POTEH: variants seen among roughly 807,000 people sequenced by gnomAD.
The protein encoded by POTEH is POTE ankyrin domain family member H, also known as ANKRD26-like family C member 3.
In POTEH, 6 loss-of-function variants were observed where a neutral mutation model predicts 41.7. The ratio of observed to expected loss-of-function variants is 0.14; its 90% CI spans 0.08 to 0.28. POTEH has a LOEUF of 0.28. Among genes scored for constraint, POTEH ranks in the 10% least tolerant of loss-of-function variants. POTEH has a pLI of 1.00. For missense variants in POTEH, 115 were observed against 533.5 expected (o/e 0.22, Z 7.73); for synonymous variants, 38 against 179.9 (o/e 0.21, Z 6.31).
At position 15,710,771 on chromosome 22, in the gene POTEH, AAAT is replaced by A. The variant is rs1211570842; in HGVS notation, c.1354-93_1354-91del. The A allele has an allele frequency of 2.3e-5, 36 of 1,575,132 alleles. No homozygotes were observed. The East Asian group carries it at 5.9e-4, about 26-fold the overall frequency. On this transcript the variant is annotated intron_variant, in intron 8 of 10. Transcript: ENST00000343518. Reference sequence around the variant, plus strand: ...AAGAGTGAAATGTTTTTAATGACTAAAATAATGATAAACTGGTCAAGTGATAAA... The same window carrying A: ...AAGAGTGAAATGTTTTTAATGACTAAAATGATAAACTGGTCAAGTGATAAA...
At position 15,691,985 on chromosome 22, in the gene POTEH, C is replaced by CATATATATATATATATAT. The variant is rs142856307; in HGVS notation, c.632+1282_632+1299dup. Among the ~76,000 whole-genome samples the CATATATATATATATATAT allele has an allele frequency of 1.3e-4, 16 of 124,462 alleles. No homozygotes were observed. In the East Asian group the frequency reaches 2.9e-3, roughly 23 times the overall value. 81.7% of individuals were successfully genotyped at this position (124,462 alleles called of 152,430 possible). On this transcript the variant is annotated intron_variant, in intron 1 of 10. Transcript: ENST00000343518. ...AAGTGCCTATTTACATATGCAGATA[C>CATATATATATATATATAT]ATATATATATATATATATATATAAA... is the stretch of plus-strand genomic sequence containing the variant.
At position 15,691,525 on chromosome 22, in the gene POTEH, CAAAAAAAA is replaced by C. The variant is rs1173004751; in HGVS notation, c.632+829_632+836del. ...TGGGAGACAGAGCAAGACTCCGTCT[CAAAAAAAA>C]AAAAAAAAAAAAGTGAGCTTTTTCT... On this transcript the variant is annotated intron_variant, in intron 1 of 10. Coordinates refer to ENST00000343518, the MANE Select transcript of POTEH (RefSeq NM_001136213.1). Among the ~76,000 whole-genome samples the C allele has an allele frequency of 3.2e-3, 280 of 88,068 alleles. 5 individuals carry two copies. Among genetic ancestry groups the C allele is most frequent in the East Asian group, 0.029 (98 of 3,402 alleles). The allele number at this position is 88,068 out of a possible 152,430, so 57.8% of individuals were successfully genotyped here.
intron 9 of POTEH, among the ~76,000 whole-genome samples, chr22:15,713,475 G>C (rs1412106206): frequency 2.0e-5 from 3 of 152,258 alleles, no homozygotes; most frequent in Non-Finnish European, 4.4e-5. Context: ...GTTTCTCATG[G>C]CTCAGTCCTC....
rs1421248855 is a variant in POTEH at position 15,692,009 on chromosome 22, A to ATAAAAATAAAAC, written c.632+1300_632+1301insTAAAAATAAAAC. The stretch of plus-strand genomic sequence containing the variant: ...ACATATATATATATATATATATATA[A>ATAAAAATAAAAC]ATTTCTTTTTTTTTTTGATGGAGTC... On this transcript the variant is annotated intron_variant, in intron 1 of 10. Transcript: ENST00000343518. Among the ~76,000 whole-genome samples the ATAAAAATAAAAC allele has an allele frequency of 2.2e-3, 278 of 128,260 alleles. 3 individuals are homozygous for ATAAAAATAAAAC. The highest frequency in any genetic ancestry group is 7.1e-3 in the African/African-American group (265 of 37,212). The allele number at this position is 128,260 out of a possible 152,430, so 84.1% of individuals were successfully genotyped here. A position where few individuals can be genotyped will look rare whatever the true frequency, so the allele number is the denominator to read the frequency against.
intron 6 of POTEH, 108 bp downstream of exon 6, chr22:15,702,864 G>GGA: frequency 8.9e-6 from 2 of 223,566 alleles, no homozygotes; most frequent in Non-Finnish European, 1.5e-5. Flanking sequence ...GGAAAGGTGG[G>GGA]GATGGTTTCA....
chr22:15,691,297 G>T (rs1219979053), intron 1 of POTEH, among the ~76,000 whole-genome samples: 2 of 139,656 alleles, frequency 1.4e-5, no homozygotes, highest in African/African-American at 5.1e-5. Flanking sequence ...GCTGAGGAGG[G>T]CAGATCATGG....
chr22:15,692,009 A>ATATATATAAATAAAAC (rs1421248855), intron 1 of POTEH, among the ~76,000 whole-genome samples: 18 of 128,488 alleles, frequency 1.4e-4, no homozygotes, highest in African/African-American at 2.7e-4. Context: ...TATATATATA[A>ATATATATAAATAAAAC]ATTTCTTTTT....
chr22:15,692,009 A>ATATATATATATAAAC (rs1421248855), intron 1 of POTEH, among the ~76,000 whole-genome samples: 1 of 128,644 alleles, frequency 7.8e-6, no homozygotes, highest in Non-Finnish European at 1.7e-5. Flanking sequence ...TATATATATA[A>ATATATATATATAAAC]ATTTCTTTTT....
intron 1 of POTEH, among the ~76,000 whole-genome samples, chr22:15,691,805 G>A (rs1160801969): frequency 1.0e-4 from 15 of 149,066 alleles, no homozygotes; most frequent in Non-Finnish European, 1.9e-4. Flanking sequence ...GGAATTTAGC[G>A]CTTGATAATG....
At chr22:15,692,148 G>A (rs1463429633) in intron 1 of POTEH, among the ~76,000 whole-genome samples, 1 of 129,434 alleles carries the variant, frequency 7.7e-6, no homozygotes, top group East Asian at 2.1e-4. Context: ...GGGATTACAG[G>A]CGCCTGCCAC....
chr22:15,691,782 C>T (rs1328420788), intron 1 of POTEH, among the ~76,000 whole-genome samples: 1 of 148,228 alleles, frequency 6.7e-6, no homozygotes, highest in Non-Finnish European at 1.5e-5. Flanking sequence ...TTAGAAATAC[C>T]GAAATATATG....
At chr22:15,713,748 C>A (rs1989869527) in intron 9 of POTEH, among the ~76,000 whole-genome samples, 1 of 152,306 alleles carries the variant, frequency 6.6e-6, no homozygotes, top group African/African-American at 2.4e-5. Context: ...GATCTGCCCG[C>A]CTTGGCCTCA....
In POTEH at chr22:15,690,856, C is replaced by T. The variant is rs1389100667; in HGVS notation, c.632+147C>T. 5 of 1,028,574 alleles carry T rather than the reference C, an allele frequency of 4.9e-6. No individual in the cohort carries two copies. The African/African-American group carries it at 5.2e-5, about 11-fold the overall frequency. 63.7% of individuals were successfully genotyped at this position (1,028,574 alleles called of 1,614,324 possible). On this transcript the variant is annotated intron_variant, in intron 1 of 10. Transcript: ENST00000343518. ...TGGAAACCTCAGAGAGTTCAGGGCACAGGCCCCTTTATGAGCAGCAACACA... is the reference window on the plus strand; with the variant it reads ...TGGAAACCTCAGAGAGTTCAGGGCATAGGCCCCTTTATGAGCAGCAACACA...
chr22:15,713,689 A>G (rs1351793419), intron 9 of POTEH, among the ~76,000 whole-genome samples: 1 of 152,294 alleles, frequency 6.6e-6, no homozygotes, highest in African/African-American at 2.4e-5. Context: ...TAGTAGTGAC[A>G]GGGTTTCCCC....
At chr22:15,711,316 A>C (rs1198078378) in intron 9 of POTEH, among the ~76,000 whole-genome samples, 39 of 152,098 alleles carry the variant, frequency 2.6e-4, no homozygotes, top group African/African-American at 9.2e-4. Context: ...AAACTGTATC[A>C]TGGAGGTTTG....
intron 6 of POTEH, among the ~76,000 whole-genome samples, chr22:15,705,373 TTTG>T (rs1166591181): frequency 4.0e-3 from 524 of 129,606 alleles, no homozygotes; most frequent in Non-Finnish European, 6.9e-3. Flanking sequence ...TTTTTTTTTT[TTTG>T]GTGTTATGCT....
Position 15,690,194 on chromosome 22 carries a change from C to A in POTEH, c.117C>A (p.Gly39=). 2 of 1,360,054 alleles carry A rather than the reference C, an allele frequency of 1.5e-6. No homozygotes were observed. Among genetic ancestry groups the A allele is most frequent in the Non-Finnish European group, 2.0e-6 (2 of 979,234 alleles). The allele number at this position is 1,360,054 out of a possible 1,614,324, so 84.2% of individuals were successfully genotyped here. A position where few individuals can be genotyped will look rare whatever the true frequency, so the allele number is the denominator to read the frequency against. ...GCTTCGCCTGGTGCAGGGGGAGCGG[C>A]AAGAGCAACGTGGGCACTTCTGGAG... is the stretch of plus-strand genomic sequence containing the variant. ...RHCFAWCRGS[G]KSNVGTSGDH... Residue 39 remains glycine, a synonymous_variant, in exon 1 of 11, where the codon GGC becomes GGA. Transcript: ENST00000343518.
chr22:15,711,540 G>T (rs1989824193), intron 9 of POTEH, among the ~76,000 whole-genome samples: 2 of 150,748 alleles, frequency 1.3e-5, no homozygotes, highest in Admixed American at 6.6e-5. Flanking sequence ...TTAGGATAAT[G>T]GCCTCCAGCT....
chr22:15,690,117 G>C lies in POTEH; in HGVS notation c.40G>C (p.Val14Leu), dbSNP rs768991276. 2.8e-6 allele frequency: 4 copies of C among 1,407,716 alleles called. No homozygotes were observed. In the South Asian group the frequency reaches 3.5e-5, roughly 12 times the overall value. The allele number at this position is 1,407,716 out of a possible 1,614,324, so 87.2% of individuals were successfully genotyped here. ...TGGTTCAATGCCGGCTGCCTCCTCT[G>C]TGAAGAAGCCATTTGGTCTCAGAAG... is the stretch of plus-strand genomic sequence containing the variant. ...EAGSMPAASS[V>L]KKPFGLRSKM... The change falls in exon 1 of 11, where the codon GTG becomes CTG. Residue 14 changes from valine (V) to leucine (L), a missense_variant. Val to Leu is a conservative substitution (Grantham distance 32). Coordinates refer to ENST00000343518, the MANE Select transcript of POTEH (RefSeq NM_001136213.1).
Sources: allele counts gnomAD v4.1 joint callset (sites outside exome capture counted in the v4.1 genomes callset), GRCh38; gene constraint gnomAD v4.1.1; transcripts MANE v1.5; gene names NCBI Gene and HGNC (gene_info 2026-07-23, HGNC 2026-07-21).